RGS3: variants seen among roughly 807,000 people sequenced by gnomAD.
RGS3 encodes the protein regulator of G-protein signalling 3.
Under a neutral mutation model 132.6 loss-of-function variants are expected in RGS3, and 80 were observed. The observed-to-expected ratio is 0.60, with a 90% CI of 0.50 to 0.73. The LOEUF is 0.73. RGS3 is among the 30% of genes least tolerant of loss of function. RGS3 has a pLI of 0.00. For missense variants in RGS3, 1,382 were observed against 1,530.8 expected (o/e 0.90, Z 1.62); for synonymous variants, 598 against 620.6 (o/e 0.96, Z 0.54).
chr9:113,449,665 T>C (rs1327039862), intron 1 of RGS3, among the ~76,000 whole-genome samples: 2 of 152,204 alleles, frequency 1.3e-5, no homozygotes, highest in Admixed American at 1.3e-4. Context: ...AGGATAACTG[T>C]GGTTATTCAT....
At chr9:113,511,743 C>T (rs1437823124) in intron 14 of RGS3, among the ~76,000 whole-genome samples, 1 of 151,968 alleles carries the variant, frequency 6.6e-6, no homozygotes, top group Non-Finnish European at 1.5e-5. Context: ...GGCCCAGGAC[C>T]CAGATTTTGG....
At chr9:113,501,514 G>T in intron 10 of RGS3, 1 of 1,532,880 alleles carries the variant, frequency 6.5e-7, no homozygotes, top group Non-Finnish European at 8.7e-7. Flanking sequence ...TCCAGTGCGG[G>T]CTCCCGCTGC....
rs1829528351 is a variant in RGS3, at chr9:113,463,651, C to T, written c.415+1450C>T. 1.2e-5 allele frequency: 16 copies of T among 1,371,624 alleles called. No homozygotes were observed. In the South Asian group the frequency reaches 2.6e-4, roughly 22 times the overall value. 85.0% of individuals were successfully genotyped at this position (1,371,624 alleles called of 1,614,324 possible). A position where few individuals can be genotyped will look rare whatever the true frequency, so the allele number is the denominator to read the frequency against. ...TCTCCCCATTCAAACCCGCGCGGGC[C>T]AATCAGGGCCGGGCGCGCCCTGGCC... On this transcript the variant is annotated intron_variant, in intron 3 of 24. Coordinates refer to ENST00000350696, the Ensembl canonical transcript of RGS3. This position sits in a 1 kb window ranked among gnomAD's most constrained non-coding sequence, Gnocchi z 4.6.
chr9:113,475,339 T>A (rs541783238), intron 3 of RGS3, among the ~76,000 whole-genome samples: 1 of 152,044 alleles, frequency 6.6e-6, no homozygotes, highest in East Asian at 1.9e-4. Flanking sequence ...GCTCCCTGAG[T>A]CTAGGGAGGA....
chr9:113,451,266 C>G (rs1246557818), intron 1 of RGS3, among the ~76,000 whole-genome samples: 1 of 151,992 alleles, frequency 6.6e-6, no homozygotes, highest in Non-Finnish European at 1.5e-5. Context: ...TGCCACTTCT[C>G]TAAGTTCCAG....
At chr9:113,583,339 T>C (rs1564604947) in intron 19 of RGS3, 111 bp from the exon 18 acceptor site, 1 of 1,466,410 alleles carries the variant, frequency 6.8e-7, no homozygotes, top group South Asian at 1.4e-5. Flanking sequence ...GCTTTCAGAC[T>C]GGGGGCCCGG....
rs778782002 is a variant in RGS3 at position 113,579,705 on chromosome 9, G to A, written c.2038-3745G>A. On this transcript the variant is annotated intron_variant, in intron 19 of 24. Transcript: ENST00000350696. The surrounding 1 kb of genome is among the most constrained non-coding windows in gnomAD (Gnocchi z 4.3). ...GTCCCCATGCTCCTTCAAACTAGTT[G>A]TCTAACCTCTGTTTTTTCTACTTAA... Among the ~76,000 whole-genome samples, 1 of 152,154 alleles carries A rather than the reference G, an allele frequency of 6.6e-6. No individual in the cohort carries two copies. The highest frequency in any genetic ancestry group is 2.4e-5 in the African/African-American group (1 of 41,440).
At chr9:113,523,889 G>A (rs2119416434) in intron 17 of RGS3, among the ~76,000 whole-genome samples, 1 of 152,250 alleles carries the variant, frequency 6.6e-6, no homozygotes, top group East Asian at 1.9e-4. Flanking sequence ...CCTGCTTAGT[G>A]CCTGAGTGTT....
At chr9:113,517,338 G>A (rs1438427165) in intron 15 of RGS3, 2 of 683,026 alleles carry the variant, frequency 2.9e-6, no homozygotes, top group Admixed American at 4.1e-5. Flanking sequence ...GGCAGCAACA[G>A]TTCCACAGGA....
intron 3 of RGS3, among the ~76,000 whole-genome samples, chr9:113,474,704 A>G (rs747373696): frequency 1.6e-4 from 25 of 152,102 alleles, no homozygotes; most frequent in Non-Finnish European, 3.7e-4. Context: ...CCCTTCCTGT[A>G]GCTTTTAACA....
At chr9:113,505,966 C>T (rs1831110719) in intron 11 of RGS3, among the ~76,000 whole-genome samples, 1 of 152,150 alleles carries the variant, frequency 6.6e-6, no homozygotes, top group Non-Finnish European at 1.5e-5. Context: ...AGCCAGGGCT[C>T]AGTGGTCAGG....
chr9:113,523,171 A>T, intron 17 of RGS3, 130 bp downstream of exon 15: 1 of 663,746 alleles, frequency 1.5e-6, no homozygotes, highest in Non-Finnish European at 2.7e-6. Context: ...GGCTCTGTCC[A>T]TGGGCTAGTA....
chr9:113,509,283 TA>T (rs80336967), intron 14 of RGS3, among the ~76,000 whole-genome samples: 2,581 of 139,362 alleles, frequency 0.019, 37 homozygotes, highest in African/African-American at 0.048. Context: ...AGACTCTGTC[TA>T]AAAAAAAAAA....
chr9:113,495,699 C>T (rs995314024), intron 7 of RGS3, 87 bp from the exon 6 acceptor site: 1 of 1,065,366 alleles, frequency 9.4e-7, no homozygotes, highest in Non-Finnish European at 1.5e-6. Flanking sequence ...CACAGTGCAT[C>T]AGGCAAACCC....
chr9:113,596,974 A>G (rs1255764225), exon 25 of RGS3: 1 of 1,581,036 alleles, frequency 6.3e-7, no homozygotes, highest in Non-Finnish European at 8.6e-7. Context: ...AGTCGAGCTC[A>G]GCGTTCACAC....
At chr9:113,589,338 C>T (rs867607757) in intron 20 of RGS3, 18 of 152,272 alleles carry the variant, frequency 1.2e-4, no homozygotes, top group African/African-American at 4.1e-4. Context: ...ATTTTTTCAC[C>T]TCAATTTCTC....
intron 10 of RGS3, chr9:113,505,196 G>A (rs1350642093): frequency 3.7e-6 from 2 of 545,704 alleles, no homozygotes; most frequent in Middle Eastern, 4.9e-4. Context: ...GTCCATCCCA[G>A]GCCCTCCCCA....
intron 17 of RGS3, among the ~76,000 whole-genome samples, chr9:113,523,843 T>C (rs1007889661): frequency 1.4e-4 from 22 of 152,130 alleles, no homozygotes; most frequent in Admixed American, 1.2e-3. Flanking sequence ...TGGGGTTTGC[T>C]CGGGAAAGCT....
At chr9:113,516,093 G>A (rs993914267) in intron 15 of RGS3, among the ~76,000 whole-genome samples, 4 of 152,178 alleles carry the variant, frequency 2.6e-5, no homozygotes, top group African/African-American at 9.7e-5. Flanking sequence ...ATGGTTTATC[G>A]TCTTATCAGC....
Sources: gnomAD v4.1 joint callset for allele counts (sites outside exome capture counted in the v4.1 genomes callset) on GRCh38, gnomAD v4.1.1 for gene constraint, Gnocchi (gnomAD v3.1) non-coding constraint, MANE v1.5 for transcripts, NCBI Gene and HGNC (gene_info 2026-07-23, HGNC 2026-07-21) for gene names.